SLC35D4: variants seen among roughly 807,000 people sequenced by gnomAD.
SLC35D4 encodes the protein solute carrier family 35 member D4.
the SLC35D4 span, among the ~76,000 whole-genome samples, chr18:23,300,480 C>G: frequency 1.3e-5 from 2 of 152,186 alleles, no homozygotes; most frequent in African/African-American, 4.8e-5. Flanking sequence ...CTTTTACTCC[C>G]ATAACCTTAG....
At chr18:23,344,180 C>G in the SLC35D4 span, among the ~76,000 whole-genome samples, 15 of 152,182 alleles carry the variant, frequency 9.9e-5, no homozygotes, top group South Asian at 2.5e-3. Flanking sequence ...CCATGCTCGG[C>G]CAATCTCATT....
chr18:23,310,746 A>G, the SLC35D4 span, among the ~76,000 whole-genome samples: 1 of 152,084 alleles, frequency 6.6e-6, no homozygotes. Context: ...TATGAACCTC[A>G]TCGTCACGCA....
At chr18:23,391,216 C>T in the SLC35D4 span, among the ~76,000 whole-genome samples, 1 of 145,020 alleles carries the variant, frequency 6.9e-6, no homozygotes, top group Non-Finnish European at 1.5e-5. Flanking sequence ...GAGCAAGACT[C>T]TGAAAGAAAA....
the SLC35D4 span, among the ~76,000 whole-genome samples, chr18:23,359,737 T>C: frequency 6.6e-6 from 1 of 152,094 alleles, no homozygotes; most frequent in African/African-American, 2.4e-5. Context: ...GGTAACAAGG[T>C]TGTTTCTGGG....
the SLC35D4 span, chr18:23,352,331 C>T: frequency 6.4e-7 from 1 of 1,551,082 alleles, no homozygotes; most frequent in East Asian, 2.3e-5. Flanking sequence ...GGCTTGTCTT[C>T]CCTTAGCCAA....
At chr18:23,380,758 C>T in the SLC35D4 span, among the ~76,000 whole-genome samples, 1 of 152,028 alleles carries the variant, frequency 6.6e-6, no homozygotes, top group Non-Finnish European at 1.5e-5. Flanking sequence ...CCTCGAGCCA[C>T]GTATTGCCTT....
chr18:23,238,817 G>A, the SLC35D4 span, among the ~76,000 whole-genome samples: 1 of 152,194 alleles, frequency 6.6e-6, no homozygotes, highest in African/African-American at 2.4e-5. Flanking sequence ...CCTGGCTCGA[G>A]GCTGTTTTCA....
the SLC35D4 span, chr18:23,260,033 C>T: frequency 1.3e-5 from 2 of 152,246 alleles, no homozygotes; most frequent in Admixed American, 1.3e-4. Flanking sequence ...TGAGCCTTGA[C>T]TGTTAGGTAA....
the SLC35D4 span, among the ~76,000 whole-genome samples, chr18:23,287,851 CT>C: frequency 6.6e-6 from 1 of 152,210 alleles, no homozygotes; most frequent in East Asian, 1.9e-4. Context: ...GTCCTGTAGC[CT>C]TTTTGTCCAA....
At chr18:23,394,219 G>A in the SLC35D4 span, among the ~76,000 whole-genome samples, 2 of 152,306 alleles carry the variant, frequency 1.3e-5, no homozygotes, top group African/African-American at 4.8e-5. Context: ...ACCAACACTT[G>A]TTATTCTCTG....
the SLC35D4 span, among the ~76,000 whole-genome samples, chr18:23,241,710 G>A: frequency 6.6e-6 from 1 of 152,096 alleles, no homozygotes; most frequent in Non-Finnish European, 1.5e-5. Flanking sequence ...CTGAGTCCTG[G>A]TGTAGGTGAT....
At chr18:23,437,391 G>A in the SLC35D4 span, among the ~76,000 whole-genome samples, 13 of 152,054 alleles carry the variant, frequency 8.5e-5, no homozygotes, top group South Asian at 6.2e-4. Flanking sequence ...CTTCACGGGG[G>A]CTCTGGGACA....
the SLC35D4 span, among the ~76,000 whole-genome samples, chr18:23,271,504 T>A: frequency 6.6e-6 from 1 of 152,158 alleles, no homozygotes; most frequent in Non-Finnish European, 1.5e-5. Context: ...ACAATAAGAA[T>A]TATAGCTTTG....
chr18:23,286,786 T>G, the SLC35D4 span, among the ~76,000 whole-genome samples: 1 of 152,098 alleles, frequency 6.6e-6, no homozygotes, highest in Non-Finnish European at 1.5e-5. Flanking sequence ...CTCCTTTTAG[T>G]TATCCCCACC....
chr18:23,405,226 C>T, the SLC35D4 span, among the ~76,000 whole-genome samples: 1 of 152,078 alleles, frequency 6.6e-6, no homozygotes, highest in Non-Finnish European at 1.5e-5. Flanking sequence ...CTCGCTCTGT[C>T]ACCCTGGCTG....
chr18:23,298,706 C>T, the SLC35D4 span, among the ~76,000 whole-genome samples: 51 of 152,328 alleles, frequency 3.3e-4, no homozygotes, highest in African/African-American at 1.2e-3. Context: ...TTTTGAACCT[C>T]GCCGTAGACA....
the SLC35D4 span, among the ~76,000 whole-genome samples, chr18:23,349,829 G>A: frequency 6.6e-6 from 1 of 152,066 alleles, no homozygotes; most frequent in African/African-American, 2.4e-5. Context: ...TTTCCATTTG[G>A]TTCTTTCTTT....
At chr18:23,376,130 G>C in the SLC35D4 span, among the ~76,000 whole-genome samples, 1 of 152,206 alleles carries the variant, frequency 6.6e-6, no homozygotes, top group African/African-American at 2.4e-5. Flanking sequence ...TTCACTTTCA[G>C]GGAACTTTGC....
At chr18:23,299,180 C>T in the SLC35D4 span, among the ~76,000 whole-genome samples, 1 of 152,238 alleles carries the variant, frequency 6.6e-6, no homozygotes. Flanking sequence ...CGTACGTTTT[C>T]AGCCTTAGTC....
Sources: allele counts gnomAD v4.1 joint callset (sites outside exome capture counted in the v4.1 genomes callset), GRCh38; gene constraint gnomAD v4.1.1; transcripts MANE v1.5; gene names NCBI Gene and HGNC (gene_info 2026-07-23, HGNC 2026-07-21).